The following VRK3 variants were observed in gnomAD, a reference collection of about 807,000 sequenced individuals.
VRK3 encodes serine/threonine-protein kinase VRK3.
Under a neutral mutation model 60.4 loss-of-function variants are expected in VRK3, and 50 were observed. That is an observed-to-expected ratio of 0.83 (90% CI 0.66 to 1.05). The LOEUF is 1.05. Ranked by LOEUF, VRK3 falls within the 50% of genes least tolerant of loss-of-function variation. The probability of loss-of-function intolerance (pLI) is 0.00; values close to 1 mark genes in which losing one functional copy is unlikely to be tolerated. For missense variants in VRK3, 549 were observed against 585.3 expected (o/e 0.94, Z 0.64); for synonymous variants, 246 against 227.8 (o/e 1.08, Z -0.72).
chr19:50,015,939 T>C (rs1461269662), intron 3 of VRK3, 85 bp downstream of exon 3: 5 of 1,582,894 alleles, frequency 3.2e-6, no homozygotes. Flanking sequence ...TCAGACAGGC[T>C]GCAAAGGCAT....
At chr19:49,988,923 C>T (rs1224716562) in intron 11 of VRK3, among the ~76,000 whole-genome samples, 3 of 152,162 alleles carry the variant, frequency 2.0e-5, no homozygotes, top group Non-Finnish European at 4.4e-5. Context: ...GGATGGGTAC[C>T]AAACCCAGCC....
Position 50,007,760 on chromosome 19 carries a change from G to A in VRK3, c.356C>T (p.Thr119Ile). ...PQKTRKSPQVTRGSPQKTSCS... is the reference protein window; with the variant it reads ...PQKTRKSPQVIRGSPQKTSCS... ...GCTGGTCTTCTGAGGGCTACCCCTG[G>A]TCACCTGAGGGCTCTTCCTGGTCTT... The change falls in exon 5 of 15, where the codon ACC becomes ATC. Residue 119 changes from threonine (T) to isoleucine (I), a missense_variant. By Grantham distance (89) the Thr-to-Ile change is moderately conservative. Coordinates refer to ENST00000316763, the MANE Select transcript of VRK3 (RefSeq NM_016440.4). The A allele has an allele frequency of 6.2e-7, 1 of 1,614,032 alleles. No individual in the cohort carries two copies. The highest frequency in any genetic ancestry group is 8.5e-7 in the Non-Finnish European group (1 of 1,180,032).
At chr19:50,013,043 T>G (rs2077021082) in intron 3 of VRK3, among the ~76,000 whole-genome samples, 1 of 151,896 alleles carries the variant, frequency 6.6e-6, no homozygotes, top group Admixed American at 6.6e-5. Context: ...GGTGGGCGCC[T>G]GTAGTCCCAG....
intron 7 of VRK3, among the ~76,000 whole-genome samples, chr19:49,996,645 C>G (rs1267467624): frequency 6.6e-6 from 1 of 152,176 alleles, no homozygotes; most frequent in Non-Finnish European, 1.5e-5. Context: ...GAGACTAAGT[C>G]TCACTCTATC....
At chr19:49,989,512 T>C in intron 11 of VRK3, 127 bp downstream of exon 11, 1 of 1,317,768 alleles carries the variant, frequency 7.6e-7, no homozygotes, top group Non-Finnish European at 1.0e-6. Flanking sequence ...GTGGTTCCAA[T>C]CCCTGTCCTG....
chr19:50,023,739 TG>T (rs567434551), intron 1 of VRK3, among the ~76,000 whole-genome samples: 1 of 88,782 alleles, frequency 1.1e-5, no homozygotes, highest in Non-Finnish European at 2.1e-5. Context: ...AGAAGGTGGG[TG>T]GGGGGGGTCC....
chr19:50,011,972 T>C (rs1296882367), intron 3 of VRK3, among the ~76,000 whole-genome samples: 1 of 53,844 alleles, frequency 1.9e-5, no homozygotes, highest in African/African-American at 1.2e-4. Context: ...TTGCTCATTC[T>C]TTTTTTTTTT....
intron 7 of VRK3, among the ~76,000 whole-genome samples, chr19:49,996,162 C>T (rs1322703079): frequency 6.6e-6 from 1 of 151,888 alleles, no homozygotes; most frequent in Non-Finnish European, 1.5e-5. Flanking sequence ...CCTCATGATC[C>T]GCCCGCCTCG....
chr19:50,021,344 G>A (rs1202202667), intron 1 of VRK3, among the ~76,000 whole-genome samples: 2 of 152,174 alleles, frequency 1.3e-5, no homozygotes, highest in Non-Finnish European at 2.9e-5. Context: ...CCTACCAATA[G>A]AGGACCGGCA....
intron 10 of VRK3, 71 bp from the exon 11 acceptor site, chr19:49,989,842 T>C: frequency 1.3e-6 from 2 of 1,486,732 alleles, no homozygotes; most frequent in Non-Finnish European, 1.8e-6. Flanking sequence ...CCATCGTGGG[T>C]GCAAGTGACA....
intron 12 of VRK3, among the ~76,000 whole-genome samples, chr19:49,987,128 C>T (rs553373517): frequency 2.0e-5 from 3 of 152,344 alleles, no homozygotes; most frequent in African/African-American, 7.2e-5. Flanking sequence ...TCTGCCTTGG[C>T]CTCCCAAAGT....
In VRK3 at chr19:49,980,959, G is replaced by A. The variant is rs766288308; in HGVS notation, c.1272C>T (p.Pro424=). 8.1e-6 allele frequency: 13 copies of A among 1,610,138 alleles called. No individual in the cohort carries two copies. The highest frequency in any genetic ancestry group is 1.3e-5 in the African/African-American group (1 of 74,806). Residue 424 remains proline (P), a synonymous_variant, in exon 13 of 15, where the codon CCC becomes CCT. Transcript: ENST00000316763. ...CCCGCTCCCTTCAGGACGTACCTGA[G>A]GGCCTGATCCAGTGACCGCAGGGTC... The part of the protein sequence containing the change: ...FVGPCGHWIR[P]SETLQKYLKV...
At chr19:50,021,785 T>A (rs1347999627) in intron 1 of VRK3, among the ~76,000 whole-genome samples, 1 of 152,246 alleles carries the variant, frequency 6.6e-6, no homozygotes, top group Non-Finnish European at 1.5e-5. Flanking sequence ...AGAGGTCAAG[T>A]CACTCACTTA....
rs781532862 is a variant in VRK3 at position 49,979,048 on chromosome 19, G to C, written c.*11+35C>G. The C allele has an allele frequency of 7.1e-6, 11 of 1,559,088 alleles. No individual in the cohort carries two copies. In the Admixed American group the frequency reaches 7.3e-5, roughly 10 times the overall value. ...GGGGCAGGGCTCGGGTGAGGGCAAG[G>C]GGTGAGAGGCTTAAGCCTCACAAGC... is the stretch of plus-strand genomic sequence containing the variant. On this transcript the variant is annotated intron_variant, in intron 14 of 14. Transcript: ENST00000316763.
At chr19:50,015,894 C>A (rs1439383133) in intron 3 of VRK3, 130 bp downstream of exon 3, 2 of 1,301,450 alleles carry the variant, frequency 1.5e-6, no homozygotes, top group African/African-American at 1.5e-5. Context: ...GGGGTCCAGT[C>A]CTGAGGCCTG....
At chr19:49,978,070 C>A (rs1051848333) in intron 14 of VRK3, among the ~76,000 whole-genome samples, 1 of 152,148 alleles carries the variant, frequency 6.6e-6, no homozygotes, top group Admixed American at 6.5e-5. Flanking sequence ...AGATGCCCTG[C>A]GACTAGGATC....
intron 12 of VRK3, chr19:49,986,523 G>A (rs887350858): frequency 2.6e-5 from 4 of 152,950 alleles, no homozygotes; most frequent in African/African-American, 9.7e-5. Flanking sequence ...GCCAGCATGC[G>A]ATTTTGAGGG....
chr19:49,997,364 G>C, intron 7 of VRK3, 140 bp downstream of exon 7: 1 of 866,174 alleles, frequency 1.2e-6, no homozygotes, highest in South Asian at 1.8e-5. Flanking sequence ...ACAGGAGTCA[G>C]GTTATGGACA....
At chr19:50,019,693 T>C (rs1405699458) in intron 2 of VRK3, among the ~76,000 whole-genome samples, 10 of 110,468 alleles carry the variant, frequency 9.1e-5, no homozygotes, top group African/African-American at 4.3e-4. Flanking sequence ...TTTTTTTTTT[T>C]TTTTTTTTTT....
Sources: allele counts gnomAD v4.1 joint callset (sites outside exome capture counted in the v4.1 genomes callset), GRCh38; gene constraint gnomAD v4.1.1; transcripts MANE v1.5; gene names NCBI Gene and HGNC (gene_info 2026-07-23, HGNC 2026-07-21).